The following LRRIQ3 variants were observed in gnomAD, a reference collection of about 807,000 sequenced individuals.
LRRIQ3 encodes the protein leucine rich repeats and IQ motif containing 3.
Under a neutral mutation model 59.3 loss-of-function variants are expected in LRRIQ3, and 75 were observed. That is an observed-to-expected ratio of 1.26 (90% CI 1.05 to 1.53). LRRIQ3 has a LOEUF of 1.53. LRRIQ3 is among the 40% of genes most tolerant of loss of function. The pLI is 0.00. For synonymous variants in LRRIQ3, 250 were observed against 231.3 expected (o/e 1.08, Z -0.73); for missense variants, 831 against 710.0 (o/e 1.17, Z -1.94).
intron 1 of LRRIQ3, among the ~76,000 whole-genome samples, chr1:74,188,272 G>A (rs953183188): frequency 3.9e-5 from 6 of 152,160 alleles, no homozygotes; most frequent in Non-Finnish European, 7.4e-5. Flanking sequence ...CTAGAGGGAG[G>A]AGAGTGGGAG....
chr1:74,109,469 A>T lies in LRRIQ3; in HGVS notation c.792T>A (p.Tyr264Ter), dbSNP rs772345183. The change falls in exon 5 of 8, where the codon TAT becomes TAA. Residue 264 changes from tyrosine (Y) to a stop codon, truncating the protein, a stop_gained. Transcript: ENST00000354431. LOFTEE classifies it high-confidence loss of function. ...AGAGATCCTTAAGGAGCTTATCTTC[A>T]TACCCTTTGGTTATGTAAATCCATT... ...EAKWIYITKG[Y>*]EDKLLKDLFF... is the part of the protein sequence containing the mutation. 6.3e-7 allele frequency: 1 copy of T among 1,577,010 alleles called. No homozygotes were observed. Among genetic ancestry groups the T allele is most frequent in the Non-Finnish European group, 8.6e-7 (1 of 1,164,158 alleles).
intron 4 of LRRIQ3, chr1:74,144,663 T>C (rs1316435036): frequency 1.6e-5 from 3 of 189,156 alleles, no homozygotes; most frequent in Admixed American, 6.4e-5. Flanking sequence ...AATTAGTAAA[T>C]ATGTAGGCGC....
chr1:74,154,133 G>T (rs970809409), intron 4 of LRRIQ3, among the ~76,000 whole-genome samples: 1 of 150,772 alleles, frequency 6.6e-6, no homozygotes, highest in Non-Finnish European at 1.5e-5. Flanking sequence ...CCCAGCTACT[G>T]GGGAGGCTGA....
Position 74,182,570 on chromosome 1 carries a change from G to A in LRRIQ3, c.541C>T (p.Leu181Phe), listed in dbSNP as rs1367679834. ...PERFKACNHR[L>F]FFNFCPALRK... ...AAAGCTGGGCAGAAATTAAAGAAAAGTCGATGGTTACATGCTTTGAATCTT... is the reference window on the plus strand; with the variant it reads ...AAAGCTGGGCAGAAATTAAAGAAAAATCGATGGTTACATGCTTTGAATCTT... The change falls in exon 3 of 8, where the codon CTT becomes TTT. Residue 181 changes from leucine (L) to phenylalanine (F), a missense_variant. Coordinates refer to ENST00000354431, the MANE Select transcript of LRRIQ3 (RefSeq NM_001105659.2). The A allele has an allele frequency of 1.9e-6, 3 of 1,574,462 alleles. No individual in the cohort carries two copies. Among genetic ancestry groups the A allele is most frequent in the Non-Finnish European group, 1.7e-6 (2 of 1,161,042 alleles).
intron 5 of LRRIQ3, among the ~76,000 whole-genome samples, chr1:74,075,299 G>T (rs1482224190): frequency 6.6e-6 from 1 of 152,120 alleles, no homozygotes; most frequent in Non-Finnish European, 1.5e-5. Flanking sequence ...AGGCACAGGG[G>T]CTCACACCTG....
chr1:74,067,174 C>T (rs1357879409), intron 6 of LRRIQ3, among the ~76,000 whole-genome samples: 1 of 152,096 alleles, frequency 6.6e-6, no homozygotes, highest in Non-Finnish European at 1.5e-5. Flanking sequence ...CAGTATCTCT[C>T]AATCAGGTCT....
chr1:74,062,671 T>A (rs981655872), intron 6 of LRRIQ3, among the ~76,000 whole-genome samples: 2 of 152,078 alleles, frequency 1.3e-5, no homozygotes, highest in Non-Finnish European at 2.9e-5. Context: ...AAGAATGAGA[T>A]CATGTCCTTT....
intron 5 of LRRIQ3, among the ~76,000 whole-genome samples, chr1:74,087,986 G>T (rs1295888848): frequency 6.6e-6 from 1 of 151,916 alleles, no homozygotes; most frequent in Non-Finnish European, 1.5e-5. Context: ...CCAGCTACTT[G>T]GGAGGCTGAG....
intron 6 of LRRIQ3, among the ~76,000 whole-genome samples, chr1:74,050,904 C>A (rs527372120): frequency 6.6e-6 from 1 of 152,252 alleles, no homozygotes; most frequent in South Asian, 2.1e-4. Flanking sequence ...TCAATGAAGT[C>A]TCTCCCATTA....
intron 1 of LRRIQ3, among the ~76,000 whole-genome samples, chr1:74,187,310 A>C (rs1168488321): frequency 6.6e-6 from 1 of 151,502 alleles, no homozygotes; most frequent in African/African-American, 2.4e-5. Context: ...GGATTAAAAA[A>C]ATGTGAGAGA....
intron 4 of LRRIQ3, among the ~76,000 whole-genome samples, chr1:74,154,068 C>T (rs1021459944): frequency 2.0e-5 from 3 of 151,482 alleles, no homozygotes; most frequent in African/African-American, 7.3e-5. Flanking sequence ...GGTGGAACCC[C>T]GTCTCTACTA....
At chr1:74,144,549 T>TAAAAA (rs5775227) in intron 4 of LRRIQ3, 2 of 140,140 alleles carry the variant, frequency 1.4e-5, no homozygotes, top group South Asian at 1.0e-4. Context: ...TAACAGTCTG[T>TAAAAA]AAAAAAAAAA....
At chr1:74,040,768 T>G (rs982658867) in intron 7 of LRRIQ3, among the ~76,000 whole-genome samples, 1 of 152,170 alleles carries the variant, frequency 6.6e-6, no homozygotes, top group Non-Finnish European at 1.5e-5. Context: ...CATACCAGAA[T>G]TTCTGGGACA....
chr1:74,034,973 C>T (rs4650242), intron 7 of LRRIQ3, among the ~76,000 whole-genome samples: 129,029 of 151,876 alleles, frequency 0.85, 55,690 homozygotes, highest in East Asian at 0.97. Flanking sequence ...CTGTGGCTGA[C>T]CAGTTTCAAT....
At position 74,084,822 on chromosome 1, in the gene LRRIQ3, A is replaced by G. The variant is rs1250002383; in HGVS notation, c.868-10032T>C. ...ACCCTTAAGAATCTACTATTCATTA[A>G]TTTATCTATGTGATTTATTTTTGGT... On this transcript the variant is annotated intron_variant, in intron 5 of 7. Coordinates refer to ENST00000354431, the MANE Select transcript of LRRIQ3 (RefSeq NM_001105659.2). Among the ~76,000 whole-genome samples, 6 of 151,732 alleles carry G rather than the reference A, an allele frequency of 4.0e-5. No homozygotes were observed. The East Asian group carries it at 1.2e-3, about 29-fold the overall frequency.
At chr1:74,185,950 A>G (rs1650342121) in intron 1 of LRRIQ3, among the ~76,000 whole-genome samples, 1 of 151,820 alleles carries the variant, frequency 6.6e-6, no homozygotes, top group Non-Finnish European at 1.5e-5. Flanking sequence ...ACCGATCAAC[A>G]TGGAACCTCA....
chr1:74,155,702 A>C, intron 4 of LRRIQ3, 31 bp downstream of exon 4: 1 of 1,531,122 alleles, frequency 6.5e-7, no homozygotes, highest in Non-Finnish European at 8.8e-7. Context: ...TCTTATTTCA[A>C]TATTCAAATG....
chr1:74,132,340 C>T (rs957244251), intron 4 of LRRIQ3, among the ~76,000 whole-genome samples: 7 of 151,830 alleles, frequency 4.6e-5, no homozygotes, highest in African/African-American at 1.7e-4. Context: ...ATCAAACTAC[C>T]AATGACTTTC....
chr1:74,068,687 T>C (rs1019480532), intron 6 of LRRIQ3, among the ~76,000 whole-genome samples: 1 of 152,106 alleles, frequency 6.6e-6, no homozygotes, highest in East Asian at 1.9e-4. Context: ...ATGTTTGCTT[T>C]TAATTTAACA....
Sources: allele counts gnomAD v4.1 joint callset (sites outside exome capture counted in the v4.1 genomes callset), GRCh38; gene constraint gnomAD v4.1.1; transcripts MANE v1.5; gene names NCBI Gene and HGNC (gene_info 2026-07-23, HGNC 2026-07-21).